Variants in IGSF21 observed in about 807,000 individuals in gnomAD.
IGSF21 encodes the protein immunoglobin superfamily member 21, also known as immunoglobulin superfamily member 21.
A neutral mutation model predicts 46.8 loss-of-function variants in IGSF21; 28 were observed. The observed-to-expected ratio is 0.60, with a 90% CI of 0.44 to 0.82. IGSF21 has a LOEUF of 0.82. IGSF21 is among the 40% of genes least tolerant of loss of function. The probability of loss-of-function intolerance (pLI) is 0.00; values close to 1 mark genes in which losing one functional copy is unlikely to be tolerated. For synonymous variants in IGSF21, 284 were observed against 273.6 expected, an observed-to-expected ratio of 1.04 and a Z score of -0.38; for missense variants, 624 against 665.5, an observed-to-expected ratio of 0.94 and a Z score of 0.69.
intron 1 of IGSF21, among the ~76,000 whole-genome samples, chr1:18,180,159 G>A (rs931325490): frequency 4.6e-5 from 7 of 152,134 alleles, no homozygotes; most frequent in African/African-American, 9.7e-5. Flanking sequence ...ATTCCACTGC[G>A]TGACACATGG....
intron 4 of IGSF21, among the ~76,000 whole-genome samples, chr1:18,355,061 C>T (rs2086000971): frequency 6.6e-6 from 1 of 152,322 alleles, no homozygotes; most frequent in Admixed American, 6.5e-5. Context: ...CTGATTTGCC[C>T]AAAGTTCTAT....
At chr1:18,280,408 A>T (rs1433122621) in intron 2 of IGSF21, among the ~76,000 whole-genome samples, 1 of 152,124 alleles carries the variant, frequency 6.6e-6, no homozygotes, top group Non-Finnish European at 1.5e-5. Flanking sequence ...AATGGAGCTG[A>T]TCACTCTCCT....
At chr1:18,252,485 A>C (rs1253248390) in intron 2 of IGSF21, among the ~76,000 whole-genome samples, 1 of 152,240 alleles carries the variant, frequency 6.6e-6, no homozygotes, top group African/African-American at 2.4e-5. Context: ...GCTTTGCTCC[A>C]GTCACAGAGG....
chr1:18,140,533 T>A (rs1570261014), intron 1 of IGSF21, among the ~76,000 whole-genome samples: 1 of 152,162 alleles, frequency 6.6e-6, no homozygotes, highest in Non-Finnish European at 1.5e-5. Flanking sequence ...GGCGGCCGCA[T>A]ATGCATGCTC....
At chr1:18,353,198 C>T (rs924143651) in intron 4 of IGSF21, among the ~76,000 whole-genome samples, 1 of 151,990 alleles carries the variant, frequency 6.6e-6, no homozygotes, top group African/African-American at 2.4e-5. Context: ...TTAATTTTCC[C>T]ATAAACCAAA....
chr1:18,191,456 C>T (rs1423760776), intron 1 of IGSF21, among the ~76,000 whole-genome samples: 6 of 152,056 alleles, frequency 3.9e-5, no homozygotes, highest in Non-Finnish European at 8.8e-5. Context: ...GAAGGACTCC[C>T]GGAGCAGGAG....
rs193295263 is a variant in IGSF21 at position 18,281,987 on chromosome 1, T to C, written c.184-9879T>C. On this transcript the variant is annotated intron_variant, in intron 2 of 9. Transcript: ENST00000251296. ...TCCCAGCTCTGCGGACTCCTCCCTC[T>C]GTGACCCTGGGCATGCCCCTCCCCT... 2.1e-4 allele frequency among the ~76,000 whole-genome samples: 32 copies of C among 152,302 alleles called. 1 individual carries two copies. In the East Asian group the frequency reaches 6.2e-3, roughly 29 times the overall value.
intron 1 of IGSF21, among the ~76,000 whole-genome samples, chr1:18,123,881 C>T (rs2086254592): frequency 6.6e-6 from 1 of 152,172 alleles, no homozygotes; most frequent in Non-Finnish European, 1.5e-5. Flanking sequence ...TGCAATTAGA[C>T]AAATTCCCTA....
chr1:18,184,976 A>G (rs1389900229), intron 1 of IGSF21, among the ~76,000 whole-genome samples: 1 of 152,226 alleles, frequency 6.6e-6, no homozygotes, highest in Non-Finnish European at 1.5e-5. Context: ...TACCTGTATC[A>G]TAGAGTTGTT....
At chr1:18,212,729 G>A (rs750055827) in intron 1 of IGSF21, among the ~76,000 whole-genome samples, 2 of 152,220 alleles carry the variant, frequency 1.3e-5, no homozygotes, top group African/African-American at 2.4e-5. Context: ...AGAGGGCACT[G>A]CAAAGACAGC....
chr1:18,228,853 G>C (rs749353492), intron 2 of IGSF21, among the ~76,000 whole-genome samples: 1 of 152,136 alleles, frequency 6.6e-6, no homozygotes, highest in Non-Finnish European at 1.5e-5. Context: ...ATTCAGTCTT[G>C]GTCACAGTTA....
chr1:18,225,451 A>T (rs2084556981), intron 1 of IGSF21, among the ~76,000 whole-genome samples: 2 of 152,062 alleles, frequency 1.3e-5, no homozygotes, highest in South Asian at 4.1e-4. Flanking sequence ...GCTTGCCAAC[A>T]AATGGTGACC....
intron 1 of IGSF21, among the ~76,000 whole-genome samples, chr1:18,214,372 C>G (rs1570344719): frequency 6.6e-6 from 1 of 152,138 alleles, no homozygotes; most frequent in South Asian, 2.1e-4. Context: ...AGGTGAGAAC[C>G]AGGAATCTTG....
chr1:18,198,636 A>T (rs1220677808), intron 1 of IGSF21, among the ~76,000 whole-genome samples: 1 of 152,016 alleles, frequency 6.6e-6, no homozygotes, highest in Non-Finnish European at 1.5e-5. Context: ...CTGGGGAAAA[A>T]CTCTAAAATT....
chr1:18,193,629 G>A (rs2086979468), intron 1 of IGSF21, among the ~76,000 whole-genome samples: 1 of 152,136 alleles, frequency 6.6e-6, no homozygotes. Flanking sequence ...TTTACTGGCA[G>A]CTGATTAGAT....
chr1:18,143,419 G>A (rs2124427227), intron 1 of IGSF21, among the ~76,000 whole-genome samples: 1 of 152,192 alleles, frequency 6.6e-6, no homozygotes, highest in Non-Finnish European at 1.5e-5. Context: ...ACAAATCTGA[G>A]CACTCTCCCT....
intron 3 of IGSF21, among the ~76,000 whole-genome samples, chr1:18,300,267 A>C (rs1004910091): frequency 6.6e-6 from 1 of 152,036 alleles, no homozygotes; most frequent in Admixed American, 6.6e-5. Flanking sequence ...TTTGCTAAAA[A>C]GTCTTCCAGG....
At position 18,337,914 on chromosome 1, in the gene IGSF21, G is replaced by A. The variant is rs572857326; in HGVS notation, c.424+2904G>A. Among the ~76,000 whole-genome samples, 28 of 152,160 alleles carry A rather than the reference G, an allele frequency of 1.8e-4. No individual in the cohort carries two copies. The highest frequency in any genetic ancestry group is 3.9e-4 in the Admixed American group (6 of 15,280). ...ATTTGCTCCAGGCCTTATAGGGTGG[G>A]GGTTATCTCTGTGCCAGAGGAGCGT... On this transcript the variant is annotated intron_variant, in intron 4 of 9. Coordinates refer to ENST00000251296, the MANE Select transcript of IGSF21 (RefSeq NM_032880.5). The surrounding 1 kb of genome is among the most constrained non-coding windows in gnomAD (Gnocchi z 5.7).
chr1:18,178,324 A>C (rs973926991), intron 1 of IGSF21, among the ~76,000 whole-genome samples: 3 of 152,144 alleles, frequency 2.0e-5, no homozygotes, highest in African/African-American at 7.2e-5. Flanking sequence ...TGAAACCATA[A>C]AGAGGTCCCT....
Sources: allele counts gnomAD v4.1 joint callset (sites outside exome capture counted in the v4.1 genomes callset), GRCh38; gene constraint gnomAD v4.1.1; non-coding constraint Gnocchi (gnomAD v3.1); transcripts MANE v1.5; gene names NCBI Gene and HGNC (gene_info 2026-07-23, HGNC 2026-07-21).